FGD4: variants seen among roughly 807,000 people sequenced by gnomAD.
FGD4 encodes the protein FYVE, RhoGEF and PH domain containing 4, also known as FYVE, RhoGEF and PH domain-containing protein 4.
FGD4 carries 42 observed loss-of-function variants against 102.0 expected under a neutral mutation model. The observed-to-expected ratio is 0.41, with a 90% CI of 0.32 to 0.53. The LOEUF (loss-of-function observed/expected upper bound fraction) is 0.53. Ranked by LOEUF, FGD4 falls within the 20% of genes least tolerant of loss-of-function variation. The probability of loss-of-function intolerance (pLI) is 0.21; values close to 1 mark genes in which losing one functional copy is unlikely to be tolerated. For missense variants in FGD4, 902 were observed against 1,078.2 expected, an observed-to-expected ratio of 0.84 and a Z score of 2.29; for synonymous variants, 380 against 375.7, an observed-to-expected ratio of 1.01 and a Z score of -0.13.
intron 1 of FGD4, among the ~76,000 whole-genome samples, chr12:32,540,433 T>C (rs1942718994): frequency 1.3e-5 from 2 of 152,166 alleles, no homozygotes; most frequent in Non-Finnish European, 2.9e-5. Flanking sequence ...GAGAAACATA[T>C]GAAAAGAGAA....
At chr12:32,436,037 T>C (rs920788334) in intron 1 of FGD4, among the ~76,000 whole-genome samples, 2 of 152,176 alleles carry the variant, frequency 1.3e-5, no homozygotes, top group African/African-American at 4.8e-5. Flanking sequence ...ATATCTGCTG[T>C]CGGGGGAGGA....
chr12:32,626,446 GAAA>G lies in FGD4; in HGVS notation c.2172+684_2172+686del, dbSNP rs34938382. ...GCAGCAAGAGTGAAACTCCATCTCA[GAAA>G]AAAAAAAAAAAAAAAAGGGGGTTGA... On this transcript the variant is annotated intron_variant, in intron 14 of 16. Transcript: ENST00000534526. Among the ~76,000 whole-genome samples the G allele has an allele frequency of 5.3e-4, 54 of 101,868 alleles. 2 individuals are homozygous for G. Among genetic ancestry groups the G allele is most frequent in the South Asian group, 4.6e-3 (14 of 3,076 alleles). 66.8% of individuals were successfully genotyped at this position (101,868 alleles called of 152,430 possible).
intron 1 of FGD4, among the ~76,000 whole-genome samples, chr12:32,498,610 G>T (rs943803229): frequency 7.3e-6 from 1 of 137,300 alleles, no homozygotes; most frequent in Non-Finnish European, 1.7e-5. Flanking sequence ...TTGTTTGTTT[G>T]TTTGTTTGTT....
intron 1 of FGD4, among the ~76,000 whole-genome samples, chr12:32,533,377 T>G (rs1204807807): frequency 6.6e-6 from 1 of 152,202 alleles, no homozygotes; most frequent in African/African-American, 2.4e-5. Flanking sequence ...GTCTGTAACC[T>G]GTTAACTCAT....
At chr12:32,526,734 C>T (rs1941264874) in intron 1 of FGD4, among the ~76,000 whole-genome samples, 1 of 152,170 alleles carries the variant, frequency 6.6e-6, no homozygotes, top group African/African-American at 2.4e-5. Flanking sequence ...TGAGCTGTAA[C>T]ACTCACCGCG....
chr12:32,409,944 T>A (rs570115197), intron 1 of FGD4, among the ~76,000 whole-genome samples: 1 of 151,158 alleles, frequency 6.6e-6, no homozygotes, highest in African/African-American at 2.4e-5. Context: ...ATTGGGAGGA[T>A]TGCTTGAGTT....
At chr12:32,473,667 T>C (rs1315052928) in intron 1 of FGD4, among the ~76,000 whole-genome samples, 1 of 152,166 alleles carries the variant, frequency 6.6e-6, no homozygotes, top group Non-Finnish European at 1.5e-5. Flanking sequence ...GTGCAGCTCA[T>C]CTCAAACTGA....
At chr12:32,636,474 A>C (rs1950822071) in intron 15 of FGD4, among the ~76,000 whole-genome samples, 1 of 152,044 alleles carries the variant, frequency 6.6e-6, no homozygotes, top group African/African-American at 2.4e-5. Flanking sequence ...CGGAGGTGTC[A>C]GTGAGCCAAG....
chr12:32,528,634 GC>G (rs1941501382), intron 1 of FGD4, among the ~76,000 whole-genome samples: 1 of 152,084 alleles, frequency 6.6e-6, no homozygotes, highest in Non-Finnish European at 1.5e-5. Flanking sequence ...CAGGCGATCT[GC>G]CTGTCTCAGC....
At chr12:32,623,702 G>A (rs1033455473) in intron 11 of FGD4, among the ~76,000 whole-genome samples, 6 of 152,164 alleles carry the variant, frequency 3.9e-5, no homozygotes, top group Non-Finnish European at 7.3e-5. Context: ...TTTTTCAAAT[G>A]TGGTATGTGA....
rs60672569 is a variant in FGD4 at position 32,501,451 on chromosome 12, T to C, written c.167-62686T>C. On this transcript the variant is annotated intron_variant, in intron 1 of 16. Transcript: ENST00000534526. ...GGCAACTGTTCCTGCAGAATCAGTATTTAACCTTCACATGGTGAAACAGAT... is the reference window on the plus strand; with the variant it reads ...GGCAACTGTTCCTGCAGAATCAGTACTTAACCTTCACATGGTGAAACAGAT... Among the ~76,000 whole-genome samples the C allele has an allele frequency of 4.5e-3, 692 of 152,308 alleles. 5 individuals are homozygous for C. Among genetic ancestry groups the C allele is most frequent in the African/African-American group, 0.015 (639 of 41,566 alleles).
intron 1 of FGD4, chr12:32,486,127 A>C (rs552761755): frequency 6.5e-7 from 1 of 1,530,308 alleles, no homozygotes; most frequent in East Asian, 2.5e-5. Context: ...TATGAAAAGA[A>C]TCTTTTATGG....
At chr12:32,590,362 G>A (rs1291874507) in intron 4 of FGD4, among the ~76,000 whole-genome samples, 2 of 151,208 alleles carry the variant, frequency 1.3e-5, no homozygotes, top group Non-Finnish European at 2.9e-5. Flanking sequence ...TCATAAGTGG[G>A]TGTTCTCTCT....
intron 3 of FGD4, among the ~76,000 whole-genome samples, chr12:32,580,346 G>C (rs983214410): frequency 2.0e-5 from 3 of 152,074 alleles, no homozygotes. Context: ...AAATGTTTCT[G>C]GCTGTTATTA....
intron 1 of FGD4, among the ~76,000 whole-genome samples, chr12:32,441,186 A>ACTTTTC (rs1942425550): frequency 6.6e-6 from 1 of 151,964 alleles, no homozygotes; most frequent in African/African-American, 2.4e-5. Flanking sequence ...AGTCCCCTTT[A>ACTTTTC]CTTTTCCCTC....
chr12:32,558,056 CTG>C (rs1485751644), intron 1 of FGD4, among the ~76,000 whole-genome samples: 3 of 152,080 alleles, frequency 2.0e-5, no homozygotes, highest in African/African-American at 7.2e-5. Flanking sequence ...TGCATTGCCT[CTG>C]TGATATTCTT....
At chr12:32,438,762 C>G (rs765226329) in intron 1 of FGD4, among the ~76,000 whole-genome samples, 17 of 151,978 alleles carry the variant, frequency 1.1e-4, no homozygotes, top group Non-Finnish European at 2.2e-4. Flanking sequence ...CCCGCCACCA[C>G]GCCCAGCTAA....
Position 32,576,541 on chromosome 12 carries a change from C to CATA in FGD4, c.503+96_503+98dup, listed in dbSNP as rs556668619. Reference sequence around the variant, plus strand: ...TCATAGATACATTCTAAATAAAAAGCATAATATCTTATTCCATTAGGTTTG... The same window carrying CATA: ...TCATAGATACATTCTAAATAAAAAGCATAATAATATCTTATTCCATTAGGTTTG... On this transcript the variant is annotated intron_variant, in intron 3 of 16. Coordinates refer to ENST00000534526, the MANE Select transcript of FGD4 (RefSeq NM_001370298.3). 8.8e-5 allele frequency: 122 copies of CATA among 1,393,212 alleles called. No homozygotes were observed. In the African/African-American group the frequency reaches 1.6e-3, roughly 18 times the overall value. 86.3% of individuals were successfully genotyped at this position (1,393,212 alleles called of 1,614,324 possible).
At chr12:32,446,474 C>T (rs1393968734) in intron 1 of FGD4, among the ~76,000 whole-genome samples, 1 of 152,120 alleles carries the variant, frequency 6.6e-6, no homozygotes, top group Non-Finnish European at 1.5e-5. Flanking sequence ...TTAGCAAGGC[C>T]TGTTTGTTCA....
Sources: gnomAD v4.1 joint callset for allele counts (sites outside exome capture counted in the v4.1 genomes callset) on GRCh38, gnomAD v4.1.1 for gene constraint, MANE v1.5 for transcripts, NCBI Gene and HGNC (gene_info 2026-07-23, HGNC 2026-07-21) for gene names.